DRC12: variants seen among roughly 807,000 people sequenced by gnomAD.
DRC12 encodes the protein dynein regulatory complex subunit 12 homolog, also known as dynein regulatory complex protein 12.
chr11:119,190,772 C>G, the DRC12 span: 7 of 1,614,150 alleles, frequency 4.3e-6, no homozygotes, highest in Non-Finnish European at 5.9e-6. The surrounding 1 kb of genome is among the most constrained non-coding windows in gnomAD (Gnocchi z 4.2). Flanking sequence ...TGAGCCAGGG[C>G]CTGGTCCCGC....
At chr11:119,190,899 C>G in the DRC12 span, 2 of 1,560,028 alleles carry the variant, frequency 1.3e-6, no homozygotes, top group Non-Finnish European at 1.7e-6. The surrounding 1 kb of genome is among the most constrained non-coding windows in gnomAD (Gnocchi z 4.2). Flanking sequence ...TGACCAGTCT[C>G]TCCAAAGGTA....
At chr11:119,194,147 G>A in the DRC12 span, among the ~76,000 whole-genome samples, 16 of 152,154 alleles carry the variant, frequency 1.1e-4, no homozygotes, top group Admixed American at 5.9e-4. Flanking sequence ...TATTTTGGGA[G>A]GCTTAGGTGG....
At chr11:119,194,784 A>G in the DRC12 span, 3 of 574,114 alleles carry the variant, frequency 5.2e-6, no homozygotes, top group Non-Finnish European at 9.4e-6. Context: ...ACCCTCTCTC[A>G]TCATCTTTTT....
the DRC12 span, chr11:119,195,824 T>G: frequency 4.4e-6 from 1 of 227,722 alleles, no homozygotes; most frequent in African/African-American, 2.3e-5. Flanking sequence ...CTGCCAGCGT[T>G]GGGGCTCCCC....
At chr11:119,190,914 G>C in the DRC12 span, 6 of 1,530,280 alleles carry the variant, frequency 3.9e-6, no homozygotes, top group South Asian at 7.3e-5. The surrounding 1 kb of genome is among the most constrained non-coding windows in gnomAD (Gnocchi z 4.2). Flanking sequence ...AAGGTATCTG[G>C]AAAGGAGACC....
the DRC12 span, chr11:119,194,030 GT>G: frequency 1.3e-6 from 1 of 794,516 alleles, no homozygotes; most frequent in Non-Finnish European, 1.9e-6. Context: ...TGTTGTTTTT[GT>G]TTTTTATCCC....
At chr11:119,195,789 C>T in the DRC12 span, 2 of 298,626 alleles carry the variant, frequency 6.7e-6, no homozygotes, top group Non-Finnish European at 1.3e-5. Flanking sequence ...CCTCAACCCT[C>T]ACTTCCTACC....
chr11:119,194,987 A>T, the DRC12 span: 2 of 1,551,294 alleles, frequency 1.3e-6, no homozygotes, highest in Non-Finnish European at 1.7e-6. Context: ...CGGCCACCAC[A>T]TCTGCACCTG....
the DRC12 span, among the ~76,000 whole-genome samples, chr11:119,192,105 A>G: frequency 2.6e-5 from 4 of 151,604 alleles, no homozygotes; most frequent in Non-Finnish European, 4.4e-5. Context: ...CCTCCCAAGT[A>G]GCTGAGATTA....
the DRC12 span, chr11:119,193,409 C>T: frequency 1.2e-6 from 1 of 842,302 alleles, no homozygotes; most frequent in Middle Eastern, 3.6e-4. Context: ...ACCATGAAAA[C>T]CTGAGGAAGG....
the DRC12 span, chr11:119,195,172 A>G: frequency 1.7e-5 from 11 of 632,848 alleles, no homozygotes; most frequent in Non-Finnish European, 2.8e-5. Context: ...ACCAGCACAT[A>G]ACAGATATGC....
the DRC12 span, chr11:119,193,518 A>G: frequency 7.7e-7 from 1 of 1,293,942 alleles, no homozygotes; most frequent in Non-Finnish European, 1.0e-6. Context: ...CTATGACTGC[A>G]TGTGTATCCT....
the DRC12 span, among the ~76,000 whole-genome samples, chr11:119,194,642 G>A: frequency 6.6e-6 from 1 of 150,722 alleles, no homozygotes; most frequent in Non-Finnish European, 1.5e-5. Flanking sequence ...AGGAGTTAGA[G>A]ATTACAGTGG....
At chr11:119,191,213 C>T in the DRC12 span, among the ~76,000 whole-genome samples, 7 of 151,980 alleles carry the variant, frequency 4.6e-5, no homozygotes, top group African/African-American at 1.7e-4. Flanking sequence ...AATTCTCCTG[C>T]CTCAGCCTCC....
the DRC12 span, chr11:119,193,816 A>C: frequency 6.4e-7 from 1 of 1,551,040 alleles, no homozygotes; most frequent in Non-Finnish European, 8.7e-7. Context: ...CTCAGCCTCC[A>C]CCCCTTGCAG....
the DRC12 span, chr11:119,193,560 C>T: frequency 7.0e-7 from 1 of 1,429,706 alleles, no homozygotes; most frequent in South Asian, 1.5e-5. Context: ...ACCAGGCATC[C>T]TGGAAGGCCC....
the DRC12 span, among the ~76,000 whole-genome samples, chr11:119,192,303 T>G: frequency 6.6e-6 from 1 of 152,158 alleles, no homozygotes; most frequent in Non-Finnish European, 1.5e-5. Context: ...ATGAAAACTT[T>G]GAGACCAAAA....
At chr11:119,193,848 G>A in the DRC12 span, 96,294 of 1,551,444 alleles carry the variant, frequency 0.062, 5,585 homozygotes, top group Admixed American at 0.33. Flanking sequence ...GCTGGTCTTC[G>A]GAAGCCTTGG....
chr11:119,193,674 C>A, the DRC12 span: 3 of 1,516,112 alleles, frequency 2.0e-6, no homozygotes, highest in Admixed American at 6.2e-5. Context: ...GTCGGAAGCC[C>A]TCCTTGTTTC....
Sources: gnomAD v4.1 joint callset for allele counts (sites outside exome capture counted in the v4.1 genomes callset) on GRCh38, gnomAD v4.1.1 for gene constraint, Gnocchi (gnomAD v3.1) non-coding constraint, MANE v1.5 for transcripts, NCBI Gene and HGNC (gene_info 2026-07-23, HGNC 2026-07-21) for gene names.